Variants in LSM11 observed in about 807,000 individuals in gnomAD.
LSM11 encodes U7 snRNA-associated Sm-like protein LSm11.
Under a neutral mutation model 28.1 loss-of-function variants are expected in LSM11, and 14 were observed. The observed-to-expected ratio is 0.50, with a 90% CI of 0.33 to 0.78. LSM11 has a LOEUF of 0.78. Among genes scored for constraint, LSM11 ranks in the 30% least tolerant of loss-of-function variants. The pLI, the probability that LSM11 is intolerant of heterozygous loss-of-function variation, is 0.02. For synonymous variants in LSM11, 207 were observed against 214.2 expected, an observed-to-expected ratio of 0.97 and a Z score of 0.30; for missense variants, 495 against 510.6, an observed-to-expected ratio of 0.97 and a Z score of 0.30.
intron 1 of LSM11, among the ~76,000 whole-genome samples, chr5:157,746,558 A>G (rs886190742): frequency 6.6e-6 from 1 of 152,238 alleles, no homozygotes; most frequent in African/African-American, 2.4e-5. Flanking sequence ...TATCTCTGTC[A>G]TAGAATCTCT....
Position 157,760,416 on chromosome 5 carries a change from G to A in LSM11, c.*5152G>A, listed in dbSNP as rs953953342. 6.6e-6 allele frequency: 1 copy of A among 152,164 alleles called. No individual in the cohort carries two copies. The highest frequency in any genetic ancestry group is 2.4e-5 in the African/African-American group (1 of 41,416). The allele number at this position is 152,164 out of a possible 1,614,324, so 9.4% of individuals were successfully genotyped here. ...TTCATACTGACATCTAAAGACATCA[G>A]CCTTCTCTTTGGCAACCCTGGGGAT... is the stretch of plus-strand genomic sequence containing the variant. On this transcript the variant is annotated 3_prime_UTR_variant, in exon 4 of 4. Coordinates refer to ENST00000286307, the MANE Select transcript of LSM11 (RefSeq NM_173491.4).
At chr5:157,750,730 G>T (rs1761217603) in intron 1 of LSM11, among the ~76,000 whole-genome samples, 1 of 152,176 alleles carries the variant, frequency 6.6e-6, no homozygotes, top group African/African-American at 2.4e-5. Flanking sequence ...TTAAGGCACA[G>T]AATTGAGAAG....
chr5:157,754,113 G>T, intron 3 of LSM11, 26 bp downstream of exon 3: 1 of 1,445,180 alleles, frequency 6.9e-7, no homozygotes, highest in Middle Eastern at 1.8e-4. Flanking sequence ...CTGACCTCCT[G>T]AGTAGCCATC....
rs1040130837 is a variant in LSM11 at position 157,753,460 on chromosome 5, G to A, written c.589-544G>A. On this transcript the variant is annotated intron_variant, in intron 2 of 3. Coordinates refer to ENST00000286307, the MANE Select transcript of LSM11 (RefSeq NM_173491.4). ...ATTTGGTCCTAACAGCTGTCCTGTC[G>A]AGGTTGCTCTCGGTGATGAGAACTC... 3.8e-4 allele frequency among the ~76,000 whole-genome samples: 58 copies of A among 152,068 alleles called. 1 individual carries two copies. Among genetic ancestry groups the A allele is most frequent in the African/African-American group, 1.3e-3 (55 of 41,372 alleles).
In LSM11 at chr5:157,743,997, G is replaced by A. The variant is rs1369789783; in HGVS notation, c.247G>A (p.Gly83Ser). 1.6e-6 allele frequency: 2 copies of A among 1,286,076 alleles called. No homozygotes were observed. Among genetic ancestry groups the A allele is most frequent in the Non-Finnish European group, 9.8e-7 (1 of 1,019,962 alleles). The allele number at this position is 1,286,076 out of a possible 1,614,324, so 79.7% of individuals were successfully genotyped here. Reference sequence around the variant, plus strand: ...CGGGCGGGCTCGGGGCGCGGCCGCGGGCTCTGGGGTTCCCGCCGCACCCGG... The same window carrying A: ...CGGGCGGGCTCGGGGCGCGGCCGCGAGCTCTGGGGTTCCCGCCGCACCCGG... ...GRGRARGAAAGSGVPAAPGPS... is the reference protein window; with the variant it reads ...GRGRARGAAASSGVPAAPGPS... The change falls in exon 1 of 4, where the codon GGC (glycine) becomes AGC (serine). Residue 83 changes from glycine to serine, a missense_variant. Transcript: ENST00000286307.
At position 157,755,563 on chromosome 5, in the gene LSM11, G is replaced by A. The variant is rs1761310888; in HGVS notation, c.*299G>A. On this transcript the variant is annotated 3_prime_UTR_variant, in exon 4 of 4. Coordinates refer to ENST00000286307, the MANE Select transcript of LSM11 (RefSeq NM_173491.4). ...ATCTGATCTTCCATTAGACTTAGGG[G>A]TCATGATATGAGTGGAATTTACATT... The A allele has an allele frequency of 4.0e-6, 2 of 504,392 alleles. No homozygotes were observed. The highest frequency in any genetic ancestry group is 6.9e-6 in the Non-Finnish European group (2 of 289,144). The allele number at this position is 504,392 out of a possible 1,614,324, so 31.2% of individuals were successfully genotyped here. A position where few individuals can be genotyped will look rare whatever the true frequency, so the allele number is the denominator to read the frequency against.
intron 1 of LSM11, among the ~76,000 whole-genome samples, chr5:157,749,469 A>T (rs1761193324): frequency 1.3e-5 from 2 of 152,256 alleles, no homozygotes; most frequent in African/African-American, 2.4e-5. Flanking sequence ...TTTGGAACTT[A>T]AAGAAAAAGT....
Position 157,759,571 on chromosome 5 carries a change from T to G in LSM11, c.*4307T>G, listed in dbSNP as rs2113083759. The G allele has an allele frequency of 1.3e-5, 2 of 152,350 alleles. No individual in the cohort carries two copies. Among genetic ancestry groups the G allele is most frequent in the Middle Eastern group, 3.4e-3 (1 of 294 alleles). The allele number at this position is 152,350 out of a possible 1,614,324, so 9.4% of individuals were successfully genotyped here. A position where few individuals can be genotyped will look rare whatever the true frequency, so the allele number is the denominator to read the frequency against. ...ATGTATTTTTTGTGAATGAAACTGT[T>G]GCTGTAGGAAAGTCAAGGTTCATGT... On this transcript the variant is annotated 3_prime_UTR_variant, in exon 4 of 4. Coordinates refer to ENST00000286307, the MANE Select transcript of LSM11 (RefSeq NM_173491.4).
chr5:157,751,610 C>A, intron 2 of LSM11, 81 bp downstream of exon 2: 1 of 1,471,822 alleles, frequency 6.8e-7, no homozygotes, highest in Non-Finnish European at 9.2e-7. Context: ...TGAGTAACTG[C>A]ATTAAGTAAA....
chr5:157,753,911 T>C (rs934854885), intron 2 of LSM11, 93 bp from the exon 3 acceptor site: 2 of 871,422 alleles, frequency 2.3e-6, no homozygotes, highest in Non-Finnish European at 3.3e-6. Context: ...TCTGAATAGA[T>C]GTTACTCTGC....
intron 1 of LSM11, 64 bp downstream of exon 1, chr5:157,744,262 C>A: frequency 8.5e-7 from 1 of 1,170,772 alleles, no homozygotes; most frequent in Non-Finnish European, 1.1e-6. Flanking sequence ...GCCGAGGGGG[C>A]GTCTGCGGGG....
rs1395360348 is a variant in LSM11, at chr5:157,754,925, C to G, written c.744C>G (p.Ser248=). ...ATTCTAAGTCTGCAGTTGAAGATTC[C>G]ACTCTGTCTAGATACTCACAGACAT... is the stretch of plus-strand genomic sequence containing the variant. ...EADSKSAVED[S]TLSRYSQTST... is the part of the protein sequence containing the mutation. The change falls in exon 4 of 4, where the codon TCC becomes TCG. Residue 248 remains serine, a synonymous_variant. Coordinates refer to ENST00000286307, the MANE Select transcript of LSM11 (RefSeq NM_173491.4). The G allele has an allele frequency of 1.9e-6, 3 of 1,614,020 alleles. No homozygotes were observed. Among genetic ancestry groups the G allele is most frequent in the Non-Finnish European group, 2.5e-6 (3 of 1,180,020 alleles).
Position 157,758,012 on chromosome 5 carries a change from G to A in LSM11, c.*2748G>A, listed in dbSNP as rs1761356583. 6.6e-6 allele frequency: 1 copy of A among 152,238 alleles called. No homozygotes were observed. Among genetic ancestry groups the A allele is most frequent in the South Asian group, 2.1e-4 (1 of 4,832 alleles). The allele number at this position is 152,238 out of a possible 1,614,324, so 9.4% of individuals were successfully genotyped here. On this transcript the variant is annotated 3_prime_UTR_variant, in exon 4 of 4. Transcript: ENST00000286307. ...CCCATTTGTTTGTTTGGTCTGGACA[G>A]TGGTTCTGGAATGAATTCTATCTAG...
chr5:157,748,420 G>A lies in LSM11; in HGVS notation c.449-2970G>A, dbSNP rs564523905. On this transcript the variant is annotated intron_variant, in intron 1 of 3. Transcript: ENST00000286307. Reference sequence around the variant, plus strand: ...TGACTTCTGATTAAACCCAGTTCTGGGAAGGCCTCTAAGATTTCCAATTTA... The same window carrying A: ...TGACTTCTGATTAAACCCAGTTCTGAGAAGGCCTCTAAGATTTCCAATTTA... Among the ~76,000 whole-genome samples, 6 of 152,182 alleles carry A rather than the reference G, an allele frequency of 3.9e-5. No homozygotes were observed. The South Asian group carries it at 1.2e-3, about 32-fold the overall frequency.
Position 157,759,799 on chromosome 5 carries a change from C to G in LSM11, c.*4535C>G, listed in dbSNP as rs539036226. 6.6e-6 allele frequency: 1 copy of G among 152,326 alleles called. No homozygotes were observed. The highest frequency in any genetic ancestry group is 2.4e-5 in the African/African-American group (1 of 41,574). The allele number at this position is 152,326 out of a possible 1,614,324, so 9.4% of individuals were successfully genotyped here. A position where few individuals can be genotyped will look rare whatever the true frequency, so the allele number is the denominator to read the frequency against. ...TGCAAAGGTGGGTGGTCTGTCAGCACTTTCTGGCAAATTGAGTTGATGGAT... is the reference window on the plus strand; with the variant it reads ...TGCAAAGGTGGGTGGTCTGTCAGCAGTTTCTGGCAAATTGAGTTGATGGAT... On this transcript the variant is annotated 3_prime_UTR_variant, in exon 4 of 4. Transcript: ENST00000286307.
At chr5:157,749,774 CA>C (rs1761202095) in intron 1 of LSM11, among the ~76,000 whole-genome samples, 1 of 152,202 alleles carries the variant, frequency 6.6e-6, no homozygotes, top group Admixed American at 6.5e-5. Context: ...GTTAATCTGA[CA>C]TAAACTCCTG....
chr5:157,749,841 C>G (rs757896139), intron 1 of LSM11, among the ~76,000 whole-genome samples: 1 of 152,176 alleles, frequency 6.6e-6, no homozygotes, highest in Non-Finnish European at 1.5e-5. Flanking sequence ...TCACAGCCAT[C>G]ATTTATAAGC....
chr5:157,750,780 CGT>C (rs150148366), intron 1 of LSM11, among the ~76,000 whole-genome samples: 1 of 151,670 alleles, frequency 6.6e-6, no homozygotes, highest in Non-Finnish European at 1.5e-5. Flanking sequence ...TTTGCGTGCC[CGT>C]GTGTGTGTGT....
Position 157,754,933 on chromosome 5 carries a change from C to A in LSM11, c.752C>A (p.Ser251Tyr). ...TCTGCAGTTGAAGATTCCACTCTGT[C>A]TAGATACTCACAGACATCCACTTGG... ...SKSAVEDSTL[S>Y]RYSQTSTWKL... Residue 251 changes from serine (S) to tyrosine (Y), a missense_variant, in exon 4 of 4, where the codon TCT becomes TAT. By Grantham distance (144) the Ser-to-Tyr change is moderately radical. Coordinates refer to ENST00000286307, the MANE Select transcript of LSM11 (RefSeq NM_173491.4). 1 of 1,614,196 alleles carries A rather than the reference C, an allele frequency of 6.2e-7. No homozygotes were observed. The highest frequency in any genetic ancestry group is 1.1e-5 in the South Asian group (1 of 91,082).
Sources: gnomAD v4.1 joint callset for allele counts (sites outside exome capture counted in the v4.1 genomes callset) on GRCh38, gnomAD v4.1.1 for gene constraint, MANE v1.5 for transcripts, NCBI Gene and HGNC (gene_info 2026-07-23, HGNC 2026-07-21) for gene names.